The following ADGB variants were observed in gnomAD, a reference collection of about 807,000 sequenced individuals.
ADGB encodes the protein androglobin.
In ADGB, 172 loss-of-function variants were observed where a neutral mutation model predicts 210.5. The observed-to-expected ratio is 0.82, with a 90% CI of 0.72 to 0.93. The LOEUF is 0.93. Ranked by LOEUF, ADGB falls within the 40% of genes least tolerant of loss-of-function variation. The pLI, the probability that ADGB is intolerant of heterozygous loss-of-function variation, is 0.00. For synonymous variants in ADGB, 658 were observed against 662.7 expected (o/e 0.99, Z 0.11); for missense variants, 2,025 against 1,964.8 (o/e 1.03, Z -0.58).
At chr6:146,812,218 A>G (rs1196184077) in intron 35 of ADGB, among the ~76,000 whole-genome samples, 3 of 151,536 alleles carry the variant, frequency 2.0e-5, no homozygotes, top group African/African-American at 7.3e-5. Flanking sequence ...TTTATAAACT[A>G]TTAGAAGCAG....
chr6:146,617,673 G>T (rs1327552093), intron 1 of ADGB, among the ~76,000 whole-genome samples: 3 of 151,840 alleles, frequency 2.0e-5, no homozygotes, highest in African/African-American at 7.3e-5. Context: ...TTTATCAAAT[G>T]CATTTTCAAT....
At chr6:146,601,287 A>G (rs895079255) in intron 1 of ADGB, among the ~76,000 whole-genome samples, 4 of 152,218 alleles carry the variant, frequency 2.6e-5, no homozygotes, top group Admixed American at 6.5e-5. Context: ...AATTATATCA[A>G]TAAAAATGTA....
chr6:146,721,183 C>A (rs1776807691), intron 16 of ADGB, among the ~76,000 whole-genome samples: 1 of 152,172 alleles, frequency 6.6e-6, no homozygotes, highest in African/African-American at 2.4e-5. Flanking sequence ...GGTGGCTAGT[C>A]TAACACAGCT....
intron 35 of ADGB, chr6:146,807,399 C>T: frequency 1.0e-5 from 16 of 1,550,408 alleles, no homozygotes; most frequent in Non-Finnish European, 1.4e-5. Flanking sequence ...TGCTTTGGAA[C>T]AGGACTCCTT....
chr6:146,657,157 G>A (rs1219953339), intron 5 of ADGB, among the ~76,000 whole-genome samples, 177 bp downstream of exon 5: 1 of 151,852 alleles, frequency 6.6e-6, no homozygotes, highest in Admixed American at 6.6e-5. Flanking sequence ...AAATGCTGTT[G>A]CTACTAAAAA....
chr6:146,695,265 A>G (rs1388844880), intron 12 of ADGB, among the ~76,000 whole-genome samples: 1 of 152,130 alleles, frequency 6.6e-6, no homozygotes, highest in East Asian at 1.9e-4. Flanking sequence ...TCTGCTTCCA[A>G]TAGCCTTCCC....
intron 9 of ADGB, among the ~76,000 whole-genome samples, chr6:146,678,388 G>C (rs553475989): frequency 1.3e-5 from 2 of 152,122 alleles, no homozygotes; most frequent in East Asian, 3.9e-4. Flanking sequence ...CATTACACTT[G>C]GCTAATTCTT....
intron 1 of ADGB, among the ~76,000 whole-genome samples, chr6:146,619,341 T>C (rs1780856793): frequency 6.6e-6 from 1 of 152,094 alleles, no homozygotes; most frequent in Admixed American, 6.6e-5. Flanking sequence ...TATTTTTTAA[T>C]AGGATAATTT....
At chr6:146,812,233 A>C (rs259373) in intron 35 of ADGB, among the ~76,000 whole-genome samples, 90,681 of 147,180 alleles carry the variant, frequency 0.62, 26,915 homozygotes, top group East Asian at 0.79. Context: ...AAGCAGGTTC[A>C]TATAAATGAC....
chr6:146,648,220 CTTTAT>C (rs1775650045), intron 3 of ADGB, among the ~76,000 whole-genome samples: 1 of 151,366 alleles, frequency 6.6e-6, no homozygotes, highest in Non-Finnish European at 1.5e-5. Context: ...CCTTTTTTTA[CTTTAT>C]TTTATTTTTA....
At chr6:146,698,743 G>A (rs1331922275) in intron 12 of ADGB, among the ~76,000 whole-genome samples, 1 of 151,886 alleles carries the variant, frequency 6.6e-6, no homozygotes, top group African/African-American at 2.4e-5. Context: ...CAAACTTTTG[G>A]GGTTTTGTTT....
At chr6:146,703,764 T>C (rs936192766) in intron 13 of ADGB, among the ~76,000 whole-genome samples, 1 of 151,918 alleles carries the variant, frequency 6.6e-6, no homozygotes, top group Non-Finnish European at 1.5e-5. Flanking sequence ...ATAATGAAGA[T>C]GGGAAGGCAG....
At position 146,733,121 on chromosome 6, in the gene ADGB, T is replaced by C; in HGVS notation, c.2522T>C (p.Val841Ala). 3 of 1,509,544 alleles carry C rather than the reference T, an allele frequency of 2.0e-6. No individual in the cohort carries two copies. The highest frequency in any genetic ancestry group is 2.7e-6 in the Non-Finnish European group (3 of 1,127,044). 93.5% of individuals were successfully genotyped at this position (1,509,544 alleles called of 1,614,324 possible). The change falls in exon 21 of 36, where the codon GTT becomes GCT. Residue 841 changes from valine (V) to alanine (A), a missense_variant and splice_region_variant. By Grantham distance (64) the Val-to-Ala change is moderately conservative. Coordinates refer to ENST00000397944, the MANE Select transcript of ADGB (RefSeq NM_024694.4). Reference protein sequence around the residue: ...DKELTAQHFRVFHLSLWRLMK... With the variant: ...DKELTAQHFRAFHLSLWRLMK... Reference sequence around the variant, plus strand: ...ATAAAAAAAATTTATGTGTTTCAGGTTTTTCATCTTTCCTTATGGCGTTTA... The same window carrying C: ...ATAAAAAAAATTTATGTGTTTCAGGCTTTTCATCTTTCCTTATGGCGTTTA...
intron 9 of ADGB, among the ~76,000 whole-genome samples, chr6:146,681,366 C>A (rs1006945688): frequency 6.6e-6 from 1 of 152,084 alleles, no homozygotes; most frequent in African/African-American, 2.4e-5. Context: ...GAGGCCTCCC[C>A]AGAAACAGAT....
intron 1 of ADGB, among the ~76,000 whole-genome samples, chr6:146,630,456 C>T (rs1338964045): frequency 1.3e-5 from 2 of 151,854 alleles, no homozygotes; most frequent in South Asian, 2.1e-4. Flanking sequence ...GTTGGCACTC[C>T]CTGCTACTTG....
At chr6:146,603,210 A>T (rs545825914) in intron 1 of ADGB, among the ~76,000 whole-genome samples, 1 of 152,232 alleles carries the variant, frequency 6.6e-6, no homozygotes, top group South Asian at 2.1e-4. Context: ...AGCAATTATA[A>T]ACAAATTAAA....
rs188694965 is a variant in ADGB, at chr6:146,717,131, G to C, written c.1928+62G>C. On this transcript the variant is annotated intron_variant, in intron 15 of 35. Coordinates refer to ENST00000397944, the MANE Select transcript of ADGB (RefSeq NM_024694.4). ...AGTGGTTAAACCCTGAGCTGCATTA[G>C]TATACAAAGTCACATTAAGATTTAT... The C allele has an allele frequency of 5.1e-5, 66 of 1,299,986 alleles. No individual in the cohort carries two copies. The East Asian group carries it at 1.2e-3, about 23-fold the overall frequency. 80.5% of individuals were successfully genotyped at this position (1,299,986 alleles called of 1,614,324 possible).
chr6:146,716,162 T>C (rs1776730098), intron 14 of ADGB, among the ~76,000 whole-genome samples: 1 of 152,172 alleles, frequency 6.6e-6, no homozygotes, highest in East Asian at 1.9e-4. Flanking sequence ...GAAACACATT[T>C]GTTGCACCAG....
At chr6:146,730,043 C>T (rs544844713) in intron 20 of ADGB, among the ~76,000 whole-genome samples, 2 of 152,218 alleles carry the variant, frequency 1.3e-5, no homozygotes, top group East Asian at 3.9e-4. Context: ...ATACAGGACA[C>T]CCAGTTAAAT....
Sources: allele counts gnomAD v4.1 joint callset (sites outside exome capture counted in the v4.1 genomes callset), GRCh38; gene constraint gnomAD v4.1.1; transcripts MANE v1.5; gene names NCBI Gene and HGNC (gene_info 2026-07-23, HGNC 2026-07-21).